CHST9: variants seen among roughly 807,000 people sequenced by gnomAD.
CHST9 encodes GalNAc-4-sulfotransferase 2.
CHST9 carries 41 observed loss-of-function variants against 44.4 expected under a neutral mutation model. The observed-to-expected ratio is 0.92, with a 90% confidence interval of 0.72 to 1.20. The LOEUF (loss-of-function observed/expected upper bound fraction) is 1.20. CHST9 is among the 50% of genes most tolerant of loss of function. The probability of loss-of-function intolerance (pLI) is 0.00; values close to 1 mark genes in which losing one functional copy is unlikely to be tolerated. For synonymous variants in CHST9, 171 were observed against 178.4 expected, an observed-to-expected ratio of 0.96 and a Z score of 0.33; for missense variants, 504 against 516.5, an observed-to-expected ratio of 0.98 and a Z score of 0.23.
chr18:27,184,384 A>G (rs2058938484), intron 1 of CHST9, among the ~76,000 whole-genome samples: 1 of 152,220 alleles, frequency 6.6e-6, no homozygotes, highest in Non-Finnish European at 1.5e-5. Context: ...TCTAACAGAA[A>G]CATGCTGATA....
chr18:27,113,257 G>T (rs12607664), intron 2 of CHST9, among the ~76,000 whole-genome samples: 49,552 of 150,826 alleles, frequency 0.33, 8,423 homozygotes, highest in East Asian at 0.49. Flanking sequence ...CATCTTCCCA[G>T]ACTTGGTCTT....
At chr18:26,970,420 C>T (rs1821789) in intron 4 of CHST9, among the ~76,000 whole-genome samples, 44,674 of 151,902 alleles carry the variant, frequency 0.29, 7,735 homozygotes, top group African/African-American at 0.49. Flanking sequence ...CTTTGAGGTA[C>T]GTACTATTAT....
intron 4 of CHST9, among the ~76,000 whole-genome samples, chr18:26,948,454 T>C (rs1002767605): frequency 1.3e-5 from 2 of 152,192 alleles, no homozygotes; most frequent in African/African-American, 4.8e-5. Context: ...GGTTGGCAAC[T>C]GAAACACTGA....
chr18:26,932,193 G>C (rs2055890547), intron 5 of CHST9, among the ~76,000 whole-genome samples: 1 of 152,176 alleles, frequency 6.6e-6, no homozygotes, highest in Non-Finnish European at 1.5e-5. Context: ...AATGACCAAA[G>C]TACTAGGCTC....
At chr18:27,128,480 G>A (rs2058444445) in intron 2 of CHST9, among the ~76,000 whole-genome samples, 1 of 152,096 alleles carries the variant, frequency 6.6e-6, no homozygotes, top group South Asian at 2.1e-4. Flanking sequence ...ATATTGGCCA[G>A]GCTGGTCTCG....
chr18:27,141,295 G>A (rs1198479354), intron 2 of CHST9, among the ~76,000 whole-genome samples: 1 of 152,112 alleles, frequency 6.6e-6, no homozygotes, highest in Non-Finnish European at 1.5e-5. Context: ...AACCCAGCAG[G>A]CGGAGCTTGC....
chr18:27,081,002 A>G (rs1054999636), intron 2 of CHST9, among the ~76,000 whole-genome samples: 1 of 152,214 alleles, frequency 6.6e-6, no homozygotes, highest in African/African-American at 2.4e-5. Context: ...GAGTGATAGT[A>G]CAAGCCATAG....
intron 4 of CHST9, among the ~76,000 whole-genome samples, chr18:26,961,518 C>A (rs554845183): frequency 2.6e-5 from 4 of 152,104 alleles, no homozygotes; most frequent in African/African-American, 7.2e-5. Context: ...CAGCCTCGAA[C>A]TCTTGGGCTC....
At position 26,910,078 on chromosome 18, in the gene CHST9, G is replaced by T. The variant is rs2055420566; in HGVS notation, c.*6181C>A. Reference sequence around the variant, plus strand: ...CCAGTTTCTGTCCCTAGATACTAGAGCTCCAAGAGCCTGGGAGAATGACTC... The same window carrying T: ...CCAGTTTCTGTCCCTAGATACTAGATCTCCAAGAGCCTGGGAGAATGACTC... On this transcript the variant is annotated 3_prime_UTR_variant, in exon 6 of 6. Transcript: ENST00000618847. The T allele has an allele frequency of 1.3e-5, 2 of 152,132 alleles. No homozygotes were observed. Among genetic ancestry groups the T allele is most frequent in the Non-Finnish European group, 2.9e-5 (2 of 68,036 alleles). 9.4% of individuals were successfully genotyped at this position (152,132 alleles called of 1,614,324 possible). A position where few individuals can be genotyped will look rare whatever the true frequency, so the allele number is the denominator to read the frequency against.
intron 2 of CHST9, among the ~76,000 whole-genome samples, chr18:27,102,605 T>C (rs11083192): frequency 0.37 from 55,804 of 152,164 alleles, 10,769 homozygotes; most frequent in East Asian, 0.51. Context: ...ACTTCTTAGA[T>C]AACGATATTA....
At chr18:27,056,755 G>A (rs1474183637) in intron 2 of CHST9, among the ~76,000 whole-genome samples, 3 of 151,960 alleles carry the variant, frequency 2.0e-5, no homozygotes, top group Non-Finnish European at 2.9e-5. Context: ...CCTTAAGGTC[G>A]ATGACTTCCA....
intron 2 of CHST9, among the ~76,000 whole-genome samples, chr18:27,057,896 C>T (rs1459232740): frequency 3.4e-5 from 5 of 148,866 alleles, no homozygotes; most frequent in Admixed American, 1.3e-4. Flanking sequence ...TTCCCAAGTA[C>T]AAAATTTCTT....
Position 26,916,152 on chromosome 18 carries a change from A to T in CHST9, c.*107T>A. On this transcript the variant is annotated 3_prime_UTR_variant, in exon 6 of 6. Coordinates refer to ENST00000618847, the MANE Select transcript of CHST9 (RefSeq NM_031422.6). ...TAAAAATCTACATTAAATCAAGACAACTGCACTTGGTTAAATTTCTGTCAT... is the reference window on the plus strand; with the variant it reads ...TAAAAATCTACATTAAATCAAGACATCTGCACTTGGTTAAATTTCTGTCAT... 3.3e-6 allele frequency: 3 copies of T among 910,922 alleles called. No individual in the cohort carries two copies. The allele number at this position is 910,922 out of a possible 1,614,324, so 56.4% of individuals were successfully genotyped here.
chr18:27,011,734 A>G (rs2057087720), intron 4 of CHST9, among the ~76,000 whole-genome samples: 1 of 152,212 alleles, frequency 6.6e-6, no homozygotes, highest in African/African-American at 2.4e-5. Context: ...CTCAGTCTCA[A>G]GGAGACTGGA....
At chr18:27,047,844 T>A (rs988749478) in intron 3 of CHST9, among the ~76,000 whole-genome samples, 1 of 152,158 alleles carries the variant, frequency 6.6e-6, no homozygotes, top group African/African-American at 2.4e-5. Flanking sequence ...ATCGACTTGG[T>A]AAATGAAAAT....
At chr18:27,106,175 T>G (rs150739988) in intron 2 of CHST9, among the ~76,000 whole-genome samples, 185 of 152,298 alleles carry the variant, frequency 1.2e-3, no homozygotes, top group African/African-American at 4.2e-3. Flanking sequence ...TTCTTAGTAA[T>G]GGTTGCCATC....
intron 4 of CHST9, among the ~76,000 whole-genome samples, chr18:26,971,252 A>G (rs1350359262): frequency 3.3e-5 from 5 of 151,686 alleles, no homozygotes; most frequent in African/African-American, 1.2e-4. Context: ...CAGTCATAGA[A>G]CACTCACTCA....
intron 5 of CHST9, among the ~76,000 whole-genome samples, chr18:26,923,492 C>T (rs73400728): frequency 0.022 from 3,348 of 152,214 alleles, 91 homozygotes; most frequent in African/African-American, 0.068. Context: ...ATCATTCCTG[C>T]ACTGCTCCTT....
In CHST9 at chr18:26,908,720, T is replaced by A. The variant is rs1446217169; in HGVS notation, c.*7539A>T. The A allele has an allele frequency of 1.3e-5, 2 of 152,198 alleles. No homozygotes were observed. Among genetic ancestry groups the A allele is most frequent in the Non-Finnish European group, 2.9e-5 (2 of 68,038 alleles). 9.4% of individuals were successfully genotyped at this position (152,198 alleles called of 1,614,324 possible). On this transcript the variant is annotated 3_prime_UTR_variant, in exon 6 of 6. Coordinates refer to ENST00000618847, the MANE Select transcript of CHST9 (RefSeq NM_031422.6). ...GGCTGTGTTTATATGTCAGAGTCAG[T>A]CAAATGTTGGCAATGTCATATGGTT... is the stretch of plus-strand genomic sequence containing the variant.
Sources: allele counts gnomAD v4.1 joint callset (sites outside exome capture counted in the v4.1 genomes callset), GRCh38; gene constraint gnomAD v4.1.1; transcripts MANE v1.5; gene names NCBI Gene and HGNC (gene_info 2026-07-23, HGNC 2026-07-21).